AGFG1: variants seen among roughly 807,000 people sequenced by gnomAD.
The protein encoded by AGFG1 is arf-GAP domain and FG repeat-containing protein 1.
Under a neutral mutation model 60.6 loss-of-function variants are expected in AGFG1, and 10 were observed. That is an observed-to-expected ratio of 0.16 (90% CI 0.10 to 0.28). The LOEUF (loss-of-function observed/expected upper bound fraction) is 0.28. Among genes scored for constraint, AGFG1 ranks in the 10% least tolerant of loss-of-function variants. The pLI is 1.00. For synonymous variants in AGFG1, 247 were observed against 242.9 expected (o/e 1.02, Z -0.16); for missense variants, 537 against 676.5 (o/e 0.79, Z 2.29).
rs780419811 is a variant in AGFG1 at position 227,531,073 on chromosome 2, G to A, written c.695-18G>A. The stretch of plus-strand genomic sequence containing the variant: ...GTTTTCATATTCATTAACATATGTT[G>A]TTCCTTACCATTTACAGCTCAGAAT... On this transcript the variant is annotated intron_variant, in intron 5 of 12. Transcript: ENST00000310078. The A allele has an allele frequency of 6.2e-7, 1 of 1,603,422 alleles. No homozygotes were observed. The highest frequency in any genetic ancestry group is 8.5e-7 in the Non-Finnish European group (1 of 1,173,602).
At chr2:227,472,621 C>T (rs1288667660) in intron 1 of AGFG1, 33 bp downstream of exon 1, 2 of 1,547,904 alleles carry the variant, frequency 1.3e-6, no homozygotes, top group South Asian at 1.2e-5. Context: ...GGTGTCGGGC[C>T]CTTCCCGGGA....
rs11383048 is a variant in AGFG1 at position 227,478,239 on chromosome 2, TA to T, written c.167+5664del. 2.7e-3 allele frequency among the ~76,000 whole-genome samples: 391 copies of T among 143,854 alleles called. 3 individuals are homozygous for T. The highest frequency in any genetic ancestry group is 7.4e-3 in the African/African-American group (291 of 39,586). 94.4% of individuals were successfully genotyped at this position (143,854 alleles called of 152,430 possible). On this transcript the variant is annotated intron_variant, in intron 1 of 12. Transcript: ENST00000310078. ...AAATTCAGTTAAAGCAAGCAATCAG[TA>T]AAAAAAAAAAAATACATACATGCAC...
At chr2:227,498,287 G>A (rs891493314) in intron 2 of AGFG1, among the ~76,000 whole-genome samples, 1 of 152,056 alleles carries the variant, frequency 6.6e-6, no homozygotes, top group African/African-American at 2.4e-5. Flanking sequence ...ATTTAGGGTG[G>A]AGATAAATTT....
At chr2:227,491,346 A>G (rs187990863) in intron 1 of AGFG1, among the ~76,000 whole-genome samples, 1 of 152,144 alleles carries the variant, frequency 6.6e-6, no homozygotes, top group Admixed American at 6.5e-5. Flanking sequence ...TGTTAAGTCT[A>G]TTATTTAATG....
chr2:227,482,414 T>A (rs1284731556), intron 1 of AGFG1, among the ~76,000 whole-genome samples: 1 of 152,232 alleles, frequency 6.6e-6, no homozygotes, highest in Non-Finnish European at 1.5e-5. Flanking sequence ...ATATACGGTG[T>A]CTTGGCATCA....
At chr2:227,492,162 A>G (rs1690838807) in intron 2 of AGFG1, among the ~76,000 whole-genome samples, 1 of 152,068 alleles carries the variant, frequency 6.6e-6, no homozygotes, top group Non-Finnish European at 1.5e-5. Context: ...AAAGATTTGG[A>G]TGGAAGCTTT....
chr2:227,539,442 C>CAAAAAAAAAA (rs542351308), intron 10 of AGFG1, among the ~76,000 whole-genome samples: 1 of 39,518 alleles, frequency 2.5e-5, no homozygotes, highest in Non-Finnish European at 6.2e-5. Context: ...GACTCTGTCT[C>CAAAAAAAAAA]AAAAAAAACA....
chr2:227,484,517 C>G (rs1014170736), intron 1 of AGFG1, among the ~76,000 whole-genome samples: 13 of 151,900 alleles, frequency 8.6e-5, no homozygotes, highest in African/African-American at 3.1e-4. Context: ...TTATTTGTCC[C>G]TTTTTTCCTT....
intron 1 of AGFG1, among the ~76,000 whole-genome samples, chr2:227,483,848 TTTAA>T (rs1213939176): frequency 1.3e-5 from 2 of 152,198 alleles, no homozygotes; most frequent in Non-Finnish European, 2.9e-5. Context: ...CACATGCATG[TTTAA>T]TTAAAAAATT....
In AGFG1 at chr2:227,535,004, C is replaced by G; in HGVS notation, c.1184C>G (p.Thr395Ser). ...SSAATSSNAY[T>S]STSNASSNVF... ...GCAGCCACCTCCAGTAATGCGTATA[C>G]TTCCACAAGTAATGCTAGCAGGTAC... The change falls in exon 8 of 13, where the codon ACT becomes AGT. Residue 395 changes from threonine (T) to serine (S), a missense_variant. By Grantham distance (58) the Thr-to-Ser change is moderately conservative. Around this residue, in one of 4 missense-constraint regions of AGFG1, gnomAD observed 287 missense variants for 343.6 expected, o/e 0.84. Transcript: ENST00000310078. 6.2e-7 allele frequency: 1 copy of G among 1,612,728 alleles called. No individual in the cohort carries two copies. The highest frequency in any genetic ancestry group is 8.5e-7 in the Non-Finnish European group (1 of 1,179,246).
chr2:227,552,073 A>C lies in AGFG1; in HGVS notation c.1493A>C (p.Gln498Pro). Residue 498 changes from glutamine to proline, a missense_variant, in exon 11 of 13, where the codon CAA (glutamine) becomes CCA (proline). Physicochemically the swap from Gln to Pro is moderately conservative, Grantham distance 76. Transcript: ENST00000310078. ...TTTCAGCAGCCTGCCTTTCCAGCCC[A>C]AGCAGCTTTCCCTCAACAGACAGCT... Reference protein sequence around the residue: ...GSFQQPAFPAQAAFPQQTAFS... With the variant: ...GSFQQPAFPAPAAFPQQTAFS... 2 of 1,614,202 alleles carry C rather than the reference A, an allele frequency of 1.2e-6. No homozygotes were observed. Among genetic ancestry groups the C allele is most frequent in the Non-Finnish European group, 8.5e-7 (1 of 1,180,026 alleles).
intron 2 of AGFG1, among the ~76,000 whole-genome samples, chr2:227,515,614 A>G (rs977910377): frequency 1.3e-5 from 2 of 151,946 alleles, no homozygotes; most frequent in South Asian, 2.1e-4. Flanking sequence ...ATTCTGCTTG[A>G]TTAAACCAAT....
intron 1 of AGFG1, among the ~76,000 whole-genome samples, chr2:227,481,863 CTTTTTTTTTT>C (rs769166509): frequency 2.6e-5 from 3 of 117,588 alleles, no homozygotes; most frequent in South Asian, 2.7e-4. Flanking sequence ...TTGTCCACTA[CTTTTTTTTTT>C]TTTTTTTTTT....
In AGFG1 at chr2:227,557,753, A is replaced by G. The variant is rs1386204453; in HGVS notation, c.*3258A>G. 1 of 152,240 alleles carries G rather than the reference A, an allele frequency of 6.6e-6. No individual in the cohort carries two copies. The highest frequency in any genetic ancestry group is 1.9e-4 in the East Asian group (1 of 5,200). 9.4% of individuals were successfully genotyped at this position (152,240 alleles called of 1,614,324 possible). Reference sequence around the variant, plus strand: ...GCTTAATAAAAGCAGTGAGATTTTCATGCTGCTTTTGCATTCCAACTTAAA... The same window carrying G: ...GCTTAATAAAAGCAGTGAGATTTTCGTGCTGCTTTTGCATTCCAACTTAAA... On this transcript the variant is annotated 3_prime_UTR_variant, in exon 13 of 13. Coordinates refer to ENST00000310078, the MANE Select transcript of AGFG1 (RefSeq NM_004504.5).
chr2:227,510,214 T>C (rs1691454747), intron 2 of AGFG1, among the ~76,000 whole-genome samples: 1 of 152,068 alleles, frequency 6.6e-6, no homozygotes, highest in Non-Finnish European at 1.5e-5. Context: ...GAAGGCTTAT[T>C]GCCCTGGGAA....
intron 6 of AGFG1, among the ~76,000 whole-genome samples, chr2:227,531,597 T>A (rs1242391787): frequency 4.9e-5 from 1 of 20,504 alleles, no homozygotes; most frequent in South Asian, 3.1e-3. Context: ...CCCAGCTAAA[T>A]TTTTTTTTTT....
At chr2:227,546,295 C>T (rs1306485109) in intron 10 of AGFG1, among the ~76,000 whole-genome samples, 3 of 152,202 alleles carry the variant, frequency 2.0e-5, no homozygotes, top group East Asian at 1.9e-4. Context: ...CTGAGCCAGG[C>T]GCGGGATATA....
At chr2:227,523,657 G>A in intron 3 of AGFG1, 106 bp from the exon 4 acceptor site, 2 of 1,140,484 alleles carry the variant, frequency 1.8e-6, no homozygotes, top group East Asian at 5.1e-5. Flanking sequence ...TTTCAGATAA[G>A]ATTAATGGTG....
chr2:227,550,338 G>T (rs1692782497), intron 10 of AGFG1, among the ~76,000 whole-genome samples: 1 of 152,174 alleles, frequency 6.6e-6, no homozygotes, highest in Admixed American at 6.5e-5. Flanking sequence ...TACCTACATG[G>T]TCATATTAGA....
Sources: gnomAD v4.1 joint callset for allele counts (sites outside exome capture counted in the v4.1 genomes callset) on GRCh38, gnomAD v4.1.1 for gene constraint, gnomAD v4.1.1 regional missense constraint, MANE v1.5 for transcripts, NCBI Gene and HGNC (gene_info 2026-07-23, HGNC 2026-07-21) for gene names.